WNT7B: variants seen among roughly 807,000 people sequenced by gnomAD.
WNT7B encodes the protein Wnt family member 7B.
In WNT7B, 19 loss-of-function variants were observed where a neutral mutation model predicts 38.2. The ratio of observed to expected loss-of-function variants is 0.50; its 90% CI spans 0.35 to 0.73. The LOEUF (loss-of-function observed/expected upper bound fraction) is 0.73. WNT7B is among the 30% of genes least tolerant of loss of function. The pLI, the probability that WNT7B is intolerant of heterozygous loss-of-function variation, is 0.01. For missense variants in WNT7B, 423 were observed against 507.9 expected (o/e 0.83, Z 1.61); for synonymous variants, 243 against 209.3 (o/e 1.16, Z -1.39).
chr22:45,948,804 C>G (rs1483004070), intron 2 of WNT7B, among the ~76,000 whole-genome samples: 1 of 147,806 alleles, frequency 6.8e-6, no homozygotes, highest in Non-Finnish European at 1.5e-5. Flanking sequence ...TGGATTCAAA[C>G]CCAGGTCAGG....
At chr22:45,938,350 A>G (rs1931561827) in intron 2 of WNT7B, among the ~76,000 whole-genome samples, 1 of 152,120 alleles carries the variant, frequency 6.6e-6, no homozygotes, top group South Asian at 2.1e-4. Context: ...AAGAGGTACA[A>G]AGATGGCTGG....
At chr22:45,962,205 G>A (rs1014053749) in intron 1 of WNT7B, among the ~76,000 whole-genome samples, 2 of 152,190 alleles carry the variant, frequency 1.3e-5, no homozygotes, top group African/African-American at 2.4e-5. Context: ...GCAGGTGGAT[G>A]AGCCACAGCC....
chr22:45,963,310 T>A (rs1932237609), intron 1 of WNT7B, among the ~76,000 whole-genome samples: 1 of 152,116 alleles, frequency 6.6e-6, no homozygotes, highest in African/African-American at 2.4e-5. Context: ...CCTCCAAGAA[T>A]TCCTAGGCCG....
At chr22:45,923,990 C>G (rs913653665) in intron 3 of WNT7B, among the ~76,000 whole-genome samples, 3 of 152,226 alleles carry the variant, frequency 2.0e-5, no homozygotes, top group Non-Finnish European at 4.4e-5. Flanking sequence ...GGGCCCTCCA[C>G]GGGTGCAGCC....
chr22:45,950,318 C>T (rs780654994), intron 1 of WNT7B, among the ~76,000 whole-genome samples, 172 bp from the exon 2 acceptor site: 8 of 152,228 alleles, frequency 5.3e-5, no homozygotes, highest in Non-Finnish European at 7.3e-5. Context: ...AACTCACATG[C>T]GTGACCCCAG....
At chr22:45,970,046 G>A (rs573090813) in intron 1 of WNT7B, among the ~76,000 whole-genome samples, 6 of 152,176 alleles carry the variant, frequency 3.9e-5, no homozygotes, top group Non-Finnish European at 7.3e-5. Flanking sequence ...AAACCGAATC[G>A]CGCAGGCCCT....
At chr22:45,971,732 G>A (rs917985676) in intron 1 of WNT7B, among the ~76,000 whole-genome samples, 2 of 152,214 alleles carry the variant, frequency 1.3e-5, no homozygotes, top group African/African-American at 2.4e-5. Flanking sequence ...GCGGGTGTGT[G>A]AGTGCGGCTC....
intron 1 of WNT7B, among the ~76,000 whole-genome samples, chr22:45,967,924 G>T (rs879460951): frequency 8.5e-5 from 13 of 152,170 alleles, no homozygotes; most frequent in Non-Finnish European, 1.9e-4. Flanking sequence ...CTCCCCGTGG[G>T]ACTGCATAGG....
At chr22:45,960,090 G>T (rs906178928) in intron 1 of WNT7B, among the ~76,000 whole-genome samples, 24 of 152,140 alleles carry the variant, frequency 1.6e-4, no homozygotes, top group Non-Finnish European at 3.1e-4. Flanking sequence ...GGACCCACGC[G>T]CCACCCTGAC....
chr22:45,972,317 G>A (rs1193509305), intron 1 of WNT7B: 2 of 485,794 alleles, frequency 4.1e-6, no homozygotes, highest in Non-Finnish European at 3.6e-6. Flanking sequence ...GGTCCCCGCG[G>A]AGCTCCCCGA....
Position 45,966,566 on chromosome 22 carries a change from C to G in WNT7B, c.71+10118G>C, listed in dbSNP as rs934255076. Among the ~76,000 whole-genome samples, 1 of 152,232 alleles carries G rather than the reference C, an allele frequency of 6.6e-6. No homozygotes were observed. Among genetic ancestry groups the G allele is most frequent in the Non-Finnish European group, 1.5e-5 (1 of 68,044 alleles). On this transcript the variant is annotated intron_variant, in intron 1 of 3. Transcript: ENST00000339464. The surrounding 1 kb of genome is among the most constrained non-coding windows in gnomAD (Gnocchi z 4.2). ...GCTCTTCTCCGTTGCTGCTGACACC[C>G]GGCAAGCTGCTCGTCGGGTGCGGTG...
intron 2 of WNT7B, among the ~76,000 whole-genome samples, chr22:45,940,603 T>C (rs1285099953): frequency 6.6e-6 from 1 of 151,950 alleles, no homozygotes; most frequent in Non-Finnish European, 1.5e-5. Context: ...TTGCCCAAGG[T>C]CAAGTGCAAG....
At chr22:45,957,703 A>AAAAC (rs1569122264) in intron 1 of WNT7B, among the ~76,000 whole-genome samples, 7 of 146,102 alleles carry the variant, frequency 4.8e-5, no homozygotes, top group African/African-American at 1.6e-4. Context: ...AAAAAAAAAA[A>AAAAC]AAAAAAAAAC....
chr22:45,971,696 G>T (rs1334971587), intron 1 of WNT7B, among the ~76,000 whole-genome samples: 1 of 152,200 alleles, frequency 6.6e-6, no homozygotes, highest in African/African-American at 2.4e-5. Context: ...CGGCGTGCAC[G>T]TGCATGCCGG....
At chr22:45,932,175 G>A (rs754368214) in intron 2 of WNT7B, among the ~76,000 whole-genome samples, 4 of 152,158 alleles carry the variant, frequency 2.6e-5, no homozygotes, top group Non-Finnish European at 5.9e-5. Context: ...CCCCTCTGCC[G>A]GTAGAGCCAA....
At chr22:45,952,527 C>T (rs1338612473) in intron 1 of WNT7B, among the ~76,000 whole-genome samples, 3 of 152,244 alleles carry the variant, frequency 2.0e-5, no homozygotes, top group Non-Finnish European at 2.9e-5. Context: ...CTCGGAAAAC[C>T]GAGCTGGGGA....
chr22:45,959,688 G>C (rs1009016140), intron 1 of WNT7B, among the ~76,000 whole-genome samples: 1 of 152,100 alleles, frequency 6.6e-6, no homozygotes, highest in African/African-American at 2.4e-5. Flanking sequence ...CCTCCCACCT[G>C]GGTGGACCCC....
intron 3 of WNT7B, chr22:45,926,028 A>G: frequency 3.0e-6 from 3 of 985,270 alleles, no homozygotes; most frequent in Non-Finnish European, 3.6e-6. Flanking sequence ...ACCCAGCTGC[A>G]TGCTACTGCC....
At chr22:45,961,198 A>G (rs534958218) in intron 1 of WNT7B, among the ~76,000 whole-genome samples, 80 of 152,330 alleles carry the variant, frequency 5.3e-4, no homozygotes, top group Non-Finnish European at 9.9e-4. Flanking sequence ...TCTGGGCTCA[A>G]CAGCTGGTGC....
Sources: allele counts gnomAD v4.1 joint callset (sites outside exome capture counted in the v4.1 genomes callset), GRCh38; gene constraint gnomAD v4.1.1; non-coding constraint Gnocchi (gnomAD v3.1); transcripts MANE v1.5; gene names NCBI Gene and HGNC (gene_info 2026-07-23, HGNC 2026-07-21).